SMARCAL1: variants seen among roughly 807,000 people sequenced by gnomAD.
The protein encoded by SMARCAL1 is ATP-driven annealing helicase.
A neutral mutation model predicts 94.5 loss-of-function variants in SMARCAL1; 58 were observed. The ratio of observed to expected loss-of-function variants is 0.61; its 90% CI spans 0.50 to 0.76. The LOEUF is 0.76. Ranked by LOEUF, SMARCAL1 falls within the 30% of genes least tolerant of loss-of-function variation. The probability of loss-of-function intolerance (pLI) is 0.00; values close to 1 mark genes in which losing one functional copy is unlikely to be tolerated. For synonymous variants in SMARCAL1, 422 were observed against 455.1 expected, an observed-to-expected ratio of 0.93 and a Z score of 0.93; for missense variants, 1,051 against 1,177.9, an observed-to-expected ratio of 0.89 and a Z score of 1.58.
In SMARCAL1 at chr2:216,482,809, C is replaced by T; in HGVS notation, c.2697C>T (p.Leu899=). Residue 899 remains leucine, a synonymous_variant, in exon 18 of 18, where the codon CTC becomes CTT. Transcript: ENST00000357276. The surrounding 1 kb of genome is among the most constrained non-coding windows in gnomAD (Gnocchi z 4.3). ...AGAAAGAAGGAAGTGATATGGAGCT[C>T]CTGGAAGCAGCAGAGTCCTTTGACC... ...SFEKEGSDME[L]LEAAESFDPG... 1 of 1,614,120 alleles carries T rather than the reference C, an allele frequency of 6.2e-7. No homozygotes were observed. The highest frequency in any genetic ancestry group is 1.1e-5 in the South Asian group (1 of 91,078).
At chr2:216,478,369 G>A (rs1262229300) in intron 17 of SMARCAL1, 70 bp downstream of exon 17, 5 of 1,194,208 alleles carry the variant, frequency 4.2e-6, no homozygotes, top group Admixed American at 1.7e-5. Flanking sequence ...AAGTCTTTGG[G>A]TCCTGAGTAG....
chr2:216,482,424 T>C lies in SMARCAL1; in HGVS notation c.2626-314T>C, dbSNP rs1695220495. On this transcript the variant is annotated intron_variant, in intron 17 of 17. Coordinates refer to ENST00000357276, the MANE Select transcript of SMARCAL1 (RefSeq NM_014140.4). The surrounding 1 kb of genome is among the most constrained non-coding windows in gnomAD (Gnocchi z 4.3). Reference sequence around the variant, plus strand: ...TGCTATTTCAGTATTGAAATAATGATTTGGAAAGTTCAAAGGGAGAAAACA... The same window carrying C: ...TGCTATTTCAGTATTGAAATAATGACTTGGAAAGTTCAAAGGGAGAAAACA... 1.3e-5 allele frequency among the ~76,000 whole-genome samples: 2 copies of C among 152,270 alleles called. No individual in the cohort carries two copies. The highest frequency in any genetic ancestry group is 4.8e-5 in the African/African-American group (2 of 41,472).
chr2:216,422,512 T>G (rs1203715283), intron 5 of SMARCAL1, among the ~76,000 whole-genome samples: 1 of 152,192 alleles, frequency 6.6e-6, no homozygotes, highest in South Asian at 2.1e-4. Flanking sequence ...AAAACCGTGA[T>G]TGGTTCCTTT....
rs1346035671 is a variant in SMARCAL1 at position 216,478,293 on chromosome 2, C to T, written c.2619C>T (p.Leu873=). 6.2e-7 allele frequency: 1 copy of T among 1,608,028 alleles called. No homozygotes were observed. Among genetic ancestry groups the T allele is most frequent in the South Asian group, 1.1e-5 (1 of 90,946 alleles). ...FSEMTESTDY[L]YKDPKQQKIY... ...AAATGACAGAATCCACTGATTACCT[C>T]TACAAGGTAATGCCAGCACATGGCT... The change falls in exon 17 of 18, where the codon CTC becomes CTT. Residue 873 remains leucine (L), a synonymous_variant. Coordinates refer to ENST00000357276, the MANE Select transcript of SMARCAL1 (RefSeq NM_014140.4).
Position 216,423,649 on chromosome 2 carries a change from G to A in SMARCAL1, c.1113G>A (p.Lys371=), listed in dbSNP as rs1484602532. The part of the protein sequence containing the change: ...DSRRYDVKTR[K]WSFLLEEHSK... ...TCATTGCAGATGTCAAGACCAGGAA[G>A]TGGAGCTTTCTCTTGGAAGAGCACA... The change falls in exon 6 of 18, where the codon AAG becomes AAA. Residue 371 remains lysine, a synonymous_variant. Transcript: ENST00000357276. 6.2e-7 allele frequency: 1 copy of A among 1,613,916 alleles called. No homozygotes were observed. The highest frequency in any genetic ancestry group is 1.3e-5 in the African/African-American group (1 of 74,940).
intron 4 of SMARCAL1, among the ~76,000 whole-genome samples, chr2:216,418,435 G>T (rs1693650913): frequency 6.6e-6 from 1 of 152,132 alleles, no homozygotes; most frequent in African/African-American, 2.4e-5. Context: ...GAAATTCCTT[G>T]CCATAATTAT....
chr2:216,419,341 A>G (rs1027844517), intron 4 of SMARCAL1, among the ~76,000 whole-genome samples: 1 of 152,200 alleles, frequency 6.6e-6, no homozygotes, highest in Non-Finnish European at 1.5e-5. Flanking sequence ...AATTGGCTAC[A>G]CTACCCTCTT....
At chr2:216,429,700 T>C (rs1223666497) in intron 7 of SMARCAL1, among the ~76,000 whole-genome samples, 2 of 151,946 alleles carry the variant, frequency 1.3e-5, no homozygotes, top group East Asian at 3.9e-4. Flanking sequence ...CGAAGCCTGA[T>C]TGTGGTATTT....
Position 216,447,101 on chromosome 2 carries a change from G to A in SMARCAL1, c.1794G>A (p.Lys598=), listed in dbSNP as rs1228360535. 1 of 1,614,040 alleles carries A rather than the reference G, an allele frequency of 6.2e-7. No individual in the cohort carries two copies. Among genetic ancestry groups the A allele is most frequent in the South Asian group, 1.1e-5 (1 of 91,080 alleles). ...AELYTQIIAV[K]PTFFPQFHAF... ...TCTACACGCAGATCATCGCAGTCAAGCCAACTTTCTTCCCCCAGTTTCATG... is the reference window on the plus strand; with the variant it reads ...TCTACACGCAGATCATCGCAGTCAAACCAACTTTCTTCCCCCAGTTTCATG... Residue 598 remains lysine, a synonymous_variant, in exon 11 of 18, where the codon AAG becomes AAA. Coordinates refer to ENST00000357276, the MANE Select transcript of SMARCAL1 (RefSeq NM_014140.4).
At chr2:216,466,695 C>T (rs1694836582) in intron 13 of SMARCAL1, among the ~76,000 whole-genome samples, 1 of 152,066 alleles carries the variant, frequency 6.6e-6, no homozygotes, top group African/African-American at 2.4e-5. Flanking sequence ...AAATTGGGGC[C>T]TGTGGTTTTT....
chr2:216,453,329 A>T (rs746931969), intron 12 of SMARCAL1, among the ~76,000 whole-genome samples: 1 of 152,264 alleles, frequency 6.6e-6, no homozygotes. Context: ...GAAGCCAGAC[A>T]CTAAATTCTT....
chr2:216,435,136 GT>G (rs1694052345), intron 8 of SMARCAL1, among the ~76,000 whole-genome samples: 1 of 152,060 alleles, frequency 6.6e-6, no homozygotes, highest in African/African-American at 2.4e-5. Flanking sequence ...GGGATTACAG[GT>G]GTGAGCGACC....
intron 10 of SMARCAL1, among the ~76,000 whole-genome samples, chr2:216,442,776 A>G (rs1439080212): frequency 6.6e-6 from 1 of 152,212 alleles, no homozygotes; most frequent in African/African-American, 2.4e-5. Context: ...CTTTTGATGG[A>G]TTTGTAACCA....
chr2:216,414,496 A>G, intron 2 of SMARCAL1, 151 bp from the exon 3 acceptor site: 1 of 585,796 alleles, frequency 1.7e-6, no homozygotes, highest in South Asian at 2.0e-5. Flanking sequence ...CTACTATTTC[A>G]GTGTGTGTGC....
intron 9 of SMARCAL1, among the ~76,000 whole-genome samples, chr2:216,437,200 C>T (rs1694099045): frequency 6.6e-6 from 1 of 152,160 alleles, no homozygotes; most frequent in Admixed American, 6.5e-5. Context: ...TTGAAAGGGC[C>T]CATTCTCTTC....
At chr2:216,450,347 G>T (rs1017907645) in intron 11 of SMARCAL1, among the ~76,000 whole-genome samples, 2 of 152,182 alleles carry the variant, frequency 1.3e-5, no homozygotes, top group African/African-American at 4.8e-5. Flanking sequence ...TTATTATATT[G>T]TACTTGTTTG....
chr2:216,439,361 AG>A (rs1475270462), intron 10 of SMARCAL1, among the ~76,000 whole-genome samples: 1 of 151,636 alleles, frequency 6.6e-6, no homozygotes, highest in East Asian at 1.9e-4. Flanking sequence ...TTATTGTAAG[AG>A]GGAAGGAGAA....
intron 7 of SMARCAL1, 90 bp downstream of exon 7, chr2:216,428,872 C>T (rs1693898684): frequency 8.4e-7 from 1 of 1,197,454 alleles, no homozygotes; most frequent in Non-Finnish European, 1.2e-6. Context: ...GTTTTATGAA[C>T]TTTTATTTAC....
Position 216,423,639 on chromosome 2 carries a change from A to G in SMARCAL1, c.1103A>G (p.Lys368Arg). The G allele has an allele frequency of 1.2e-6, 2 of 1,613,950 alleles. No homozygotes were observed. The highest frequency in any genetic ancestry group is 1.7e-6 in the Non-Finnish European group (2 of 1,179,802). The change falls in exon 6 of 18, where the codon AAG (lysine) becomes AGG (arginine). Residue 368 changes from lysine (K) to arginine (R), a missense_variant. Lys to Arg is a conservative substitution (Grantham distance 26). Coordinates refer to ENST00000357276, the MANE Select transcript of SMARCAL1 (RefSeq NM_014140.4). ...KQMDSRRYDV[K>R]TRKWSFLLEE... Reference sequence around the variant, plus strand: ...TTATTTCTTGTCATTGCAGATGTCAAGACCAGGAAGTGGAGCTTTCTCTTG... The same window carrying G: ...TTATTTCTTGTCATTGCAGATGTCAGGACCAGGAAGTGGAGCTTTCTCTTG...
Sources: allele counts gnomAD v4.1 joint callset (sites outside exome capture counted in the v4.1 genomes callset), GRCh38; gene constraint gnomAD v4.1.1; non-coding constraint Gnocchi (gnomAD v3.1); transcripts MANE v1.5; gene names NCBI Gene and HGNC (gene_info 2026-07-23, HGNC 2026-07-21).